Variants in CEP350 observed in about 807,000 individuals in gnomAD.
CEP350 encodes the protein centrosome-associated protein 350.
In CEP350, 126 loss-of-function variants were observed where a neutral mutation model predicts 331.8. The observed-to-expected ratio is 0.38, with a 90% confidence interval of 0.33 to 0.44. The LOEUF is 0.44. Among genes scored for constraint, CEP350 ranks in the 20% least tolerant of loss-of-function variants. The pLI is 1.00. For missense variants in CEP350, 3,406 were observed against 3,634.6 expected (o/e 0.94, Z 1.62); for synonymous variants, 1,200 against 1,259.5 (o/e 0.95, Z 1.00).
At chr1:180,092,341 G>A (rs1243190094) in intron 33 of CEP350, among the ~76,000 whole-genome samples, 1 of 152,112 alleles carries the variant, frequency 6.6e-6, no homozygotes, top group Non-Finnish European at 1.5e-5. Flanking sequence ...GCAAAGCAAT[G>A]GTTCCATCAA....
At chr1:180,109,781 G>A (rs940808143) in intron 37 of CEP350, among the ~76,000 whole-genome samples, 5 of 152,212 alleles carry the variant, frequency 3.3e-5, no homozygotes, top group African/African-American at 7.2e-5. Context: ...GACTACAGGC[G>A]CGTGCCACCA....
chr1:180,042,716 A>G (rs1571911621), intron 19 of CEP350, among the ~76,000 whole-genome samples: 1 of 152,366 alleles, frequency 6.6e-6, no homozygotes, highest in Non-Finnish European at 1.5e-5. Context: ...TGGTCAGCAA[A>G]GAGTTAGAAA....
intron 29 of CEP350, 26 bp from the exon 30 acceptor site, chr1:180,080,491 T>C: frequency 1.9e-6 from 3 of 1,600,276 alleles, no homozygotes; most frequent in Non-Finnish European, 2.6e-6. Context: ...AAAAAATAGT[T>C]TCCATTTGGT....
intron 8 of CEP350, among the ~76,000 whole-genome samples, chr1:180,009,352 T>C (rs990061005): frequency 1.3e-5 from 2 of 152,248 alleles, no homozygotes; most frequent in Non-Finnish European, 2.9e-5. Context: ...TGTGGCGTTA[T>C]GTAATACTGT....
chr1:179,997,056 A>G lies in CEP350; in HGVS notation c.899A>G (p.Asn300Ser), dbSNP rs1233751048. The change falls in exon 6 of 38, where the codon AAT (asparagine) becomes AGT (serine). Residue 300 changes from asparagine to serine, a missense_variant. By Grantham distance (46) the Asn-to-Ser change is conservative. Transcript: ENST00000367607. ...RKQWEHSEET[N>S]GRGQKLGHID... Reference sequence around the variant, plus strand: ...CAGTGGGAACACTCAGAAGAAACAAATGGCCGGGGCCAGAAGCTGGGTCAT... The same window carrying G: ...CAGTGGGAACACTCAGAAGAAACAAGTGGCCGGGGCCAGAAGCTGGGTCAT... 3.1e-6 allele frequency: 5 copies of G among 1,613,916 alleles called. No individual in the cohort carries two copies. Among genetic ancestry groups the G allele is most frequent in the East Asian group, 2.2e-5 (1 of 44,894 alleles).
chr1:180,092,592 G>A, intron 33 of CEP350, 22 bp from the exon 34 acceptor site: 1 of 1,455,516 alleles, frequency 6.9e-7, no homozygotes, highest in Non-Finnish European at 9.1e-7. Flanking sequence ...ATTTTGATGT[G>A]GTGATTTGTT....
chr1:180,014,511 AGT>A lies in CEP350; in HGVS notation c.2052+7_2052+8del. On this transcript the variant is annotated splice_region_variant and intron_variant, in intron 10 of 37. Transcript: ENST00000367607. ...ATGTTACGCAGGAAACACAGGTAATAGTAGTGACATATACAAAGGAGAGTCAT... is the reference window on the plus strand; with the variant it reads ...ATGTTACGCAGGAAACACAGGTAATAAGTGACATATACAAAGGAGAGTCAT... 1 of 1,589,058 alleles carries A rather than the reference AGT, an allele frequency of 6.3e-7. No individual in the cohort carries two copies. The highest frequency in any genetic ancestry group is 8.5e-7 in the Non-Finnish European group (1 of 1,170,772).
At chr1:180,002,528 TAAATA>T (rs1299197971) in intron 6 of CEP350, among the ~76,000 whole-genome samples, 1 of 151,848 alleles carries the variant, frequency 6.6e-6, no homozygotes, top group Non-Finnish European at 1.5e-5. Flanking sequence ...TAAGGTAAAA[TAAATA>T]AAATAAAATT....
chr1:180,077,003 A>G (rs1368003965), intron 28 of CEP350, among the ~76,000 whole-genome samples: 1 of 152,190 alleles, frequency 6.6e-6, no homozygotes, highest in Non-Finnish European at 1.5e-5. Flanking sequence ...AGCTCTGTTC[A>G]GCATTGTGTA....
intron 22 of CEP350, among the ~76,000 whole-genome samples, chr1:180,050,335 T>C (rs980818272): frequency 2.0e-5 from 3 of 152,080 alleles, no homozygotes; most frequent in Non-Finnish European, 2.9e-5. Flanking sequence ...TGATAAAGGA[T>C]TTATATCTAG....
At chr1:179,958,851 A>C (rs1220150711) in intron 1 of CEP350, among the ~76,000 whole-genome samples, 1 of 152,218 alleles carries the variant, frequency 6.6e-6, no homozygotes, top group Admixed American at 6.5e-5. Flanking sequence ...AATATGATTT[A>C]TTTAAAAAAC....
chr1:180,082,731 T>C (rs545753271), intron 30 of CEP350, among the ~76,000 whole-genome samples: 4 of 152,342 alleles, frequency 2.6e-5, no homozygotes, highest in Non-Finnish European at 5.9e-5. Context: ...GTAAATATAT[T>C]TTTTATTGAA....
intron 5 of CEP350, among the ~76,000 whole-genome samples, chr1:179,994,566 A>G (rs1571835799): frequency 6.9e-6 from 1 of 145,618 alleles, no homozygotes; most frequent in African/African-American, 2.6e-5. Context: ...CCATCCTCCC[A>G]CCTCAGCTTC....
At chr1:179,998,873 TCTAG>T (rs1279887026) in intron 6 of CEP350, among the ~76,000 whole-genome samples, 3 of 149,776 alleles carry the variant, frequency 2.0e-5, no homozygotes, top group African/African-American at 7.4e-5. Context: ...TGCATTTCAT[TCTAG>T]CTAATTTGTG....
At chr1:180,099,231 G>A (rs1163943453) in intron 37 of CEP350, among the ~76,000 whole-genome samples, 1 of 152,172 alleles carries the variant, frequency 6.6e-6, no homozygotes, top group Non-Finnish European at 1.5e-5. Flanking sequence ...TCAAATGGAA[G>A]CAAAGTTTAA....
chr1:180,034,019 C>T lies in CEP350; in HGVS notation c.3883C>T (p.Pro1295Ser), dbSNP rs947851598. The change falls in exon 16 of 38, where the codon CCT (proline) becomes TCT (serine). Residue 1295 changes from proline (P) to serine (S), a missense_variant. Physicochemically the swap from Pro to Ser is moderately conservative, Grantham distance 74. This residue lies in a region of CEP350 where 1,857 missense variants were observed against 1,909.2 expected (regional missense o/e 0.97). Transcript: ENST00000367607. ...PTITGFKPNA[P>S]LTDLNPAASR... ...TATAACAGGATTTAAGCCTAATGCA[C>T]CTCTCACTGATCTGAACCCGGCAGC... 9 of 1,613,854 alleles carry T rather than the reference C, an allele frequency of 5.6e-6. No homozygotes were observed. Among genetic ancestry groups the T allele is most frequent in the African/African-American group, 2.7e-5 (2 of 75,006 alleles).
intron 30 of CEP350, among the ~76,000 whole-genome samples, chr1:180,083,799 G>A (rs2149095166): frequency 6.6e-6 from 1 of 152,066 alleles, no homozygotes; most frequent in South Asian, 2.1e-4. Flanking sequence ...TAAATAGGAG[G>A]AACCAAGCCA....
At chr1:180,085,203 G>C (rs1470791655) in intron 31 of CEP350, among the ~76,000 whole-genome samples, 2 of 144,756 alleles carry the variant, frequency 1.4e-5, no homozygotes, top group East Asian at 4.1e-4. Context: ...ACACTTCTTT[G>C]TGCTATTTGA....
At chr1:180,073,830 A>G in intron 27 of CEP350, 1 of 1,304,354 alleles carries the variant, frequency 7.7e-7, no homozygotes, top group South Asian at 1.2e-5. Flanking sequence ...TTTACGTCTC[A>G]TCACTGGGCC....
Sources: allele counts gnomAD v4.1 joint callset (sites outside exome capture counted in the v4.1 genomes callset), GRCh38; gene constraint gnomAD v4.1.1; regional missense constraint gnomAD v4.1.1; transcripts MANE v1.5; gene names NCBI Gene and HGNC (gene_info 2026-07-23, HGNC 2026-07-21).